The following ADAM12 variants were observed in gnomAD, a reference collection of about 807,000 sequenced individuals.
The protein encoded by ADAM12 is disintegrin and metalloproteinase domain-containing protein 12.
ADAM12 carries 70 observed loss-of-function variants against 106.4 expected under a neutral mutation model. The observed-to-expected ratio is 0.66, with a 90% CI of 0.54 to 0.80. The LOEUF (loss-of-function observed/expected upper bound fraction) is 0.80, where lower values mean the gene tolerates loss of function less well. ADAM12 is among the 30% of genes least tolerant of loss of function. ADAM12 has a pLI of 0.00. For synonymous variants in ADAM12, 420 were observed against 433.5 expected, an observed-to-expected ratio of 0.97 and a Z score of 0.39; for missense variants, 1,010 against 1,171.9, an observed-to-expected ratio of 0.86 and a Z score of 2.02.
intron 4 of ADAM12, among the ~76,000 whole-genome samples, chr10:126,141,368 T>C (rs1956508347): frequency 6.6e-6 from 1 of 152,204 alleles, no homozygotes; most frequent in South Asian, 2.1e-4. Context: ...CAGGCCGTCT[T>C]TGCCTAGTTC....
At chr10:126,051,504 T>TCCAG (rs1392649735) in intron 14 of ADAM12, among the ~76,000 whole-genome samples, 1 of 34,510 alleles carries the variant, frequency 2.9e-5, no homozygotes, top group Non-Finnish European at 6.9e-5. Flanking sequence ...CATCCACCCG[T>TCCAG]CCATCCATCC....
At chr10:126,088,185 T>C (rs936639221) in intron 11 of ADAM12, among the ~76,000 whole-genome samples, 1 of 152,208 alleles carries the variant, frequency 6.6e-6, no homozygotes, top group African/African-American at 2.4e-5. Flanking sequence ...TGAGGTACCC[T>C]GCAGTGAGGT....
intron 3 of ADAM12, among the ~76,000 whole-genome samples, chr10:126,252,442 C>T (rs1284134740): frequency 6.6e-6 from 1 of 152,122 alleles, no homozygotes; most frequent in East Asian, 1.9e-4. Flanking sequence ...AGTTCAAAGG[C>T]CCGAACACCA....
intron 2 of ADAM12, among the ~76,000 whole-genome samples, chr10:126,282,684 CACAA>C (rs764325195): frequency 2.0e-5 from 3 of 152,104 alleles, no homozygotes; most frequent in African/African-American, 4.8e-5. Context: ...TATTCTATTG[CACAA>C]ACAATGTGTA....
chr10:126,146,034 C>A (rs10901536), intron 4 of ADAM12, among the ~76,000 whole-genome samples: 81,767 of 152,008 alleles, frequency 0.54, 22,741 homozygotes, highest in Non-Finnish European at 0.63. Flanking sequence ...TCATTCAGGC[C>A]GGTGCGGGGT....
intron 3 of ADAM12, among the ~76,000 whole-genome samples, chr10:126,232,562 C>T (rs1958332828): frequency 6.6e-6 from 1 of 152,118 alleles, no homozygotes; most frequent in Non-Finnish European, 1.5e-5. Flanking sequence ...CCAGAAAACC[C>T]CACATGGAGC....
intron 3 of ADAM12, among the ~76,000 whole-genome samples, chr10:126,188,260 A>G (rs1957434610): frequency 6.6e-6 from 1 of 152,222 alleles, no homozygotes; most frequent in Non-Finnish European, 1.5e-5. Flanking sequence ...TTTACAACTC[A>G]AAGCAAAGCC....
At chr10:126,362,055 A>G (rs938640524) in intron 1 of ADAM12, among the ~76,000 whole-genome samples, 1 of 152,200 alleles carries the variant, frequency 6.6e-6, no homozygotes, top group Non-Finnish European at 1.5e-5. Flanking sequence ...GTTAATATCC[A>G]AAATATATAA....
At chr10:126,304,547 T>C (rs1486754190) in intron 2 of ADAM12, among the ~76,000 whole-genome samples, 4 of 152,046 alleles carry the variant, frequency 2.6e-5, no homozygotes, top group South Asian at 2.1e-4. Context: ...ACAATGCATA[T>C]AGATTAAAAC....
chr10:126,173,844 G>T (rs1216525598), intron 3 of ADAM12, among the ~76,000 whole-genome samples: 1 of 151,984 alleles, frequency 6.6e-6, no homozygotes, highest in Non-Finnish European at 1.5e-5. Context: ...CAGGCCAAGG[G>T]AGTCAGCATC....
chr10:126,330,438 T>A lies in ADAM12; in HGVS notation c.160A>T (p.Ile54Phe), dbSNP rs1195903344. 2 of 1,613,810 alleles carry A rather than the reference T, an allele frequency of 1.2e-6. No individual in the cohort carries two copies. The highest frequency in any genetic ancestry group is 1.7e-6 in the Non-Finnish European group (2 of 1,179,930). The change falls in exon 2 of 23, where the codon ATC becomes TTC. Residue 54 changes from isoleucine (I) to phenylalanine (F), a missense_variant. Around this residue, in one of 3 missense-constraint regions of ADAM12, gnomAD observed 391 missense variants for 442.9 expected, o/e 0.88. Coordinates refer to ENST00000448723, the MANE Select transcript of ADAM12 (RefSeq NM_001288973.2). Reference sequence around the variant, plus strand: ...TTGGAGTCGAAGCTCTTCACTGGGATCCAGAGGTCCCCACTCCCAACAGAG... The same window carrying A: ...TTGGAGTCGAAGCTCTTCACTGGGAACCAGAGGTCCCCACTCCCAACAGAG... ...SASVGSGDLW[I>F]PVKSFDSKNH...
At chr10:126,121,131 CTATATACTAT>C (rs1202245567) in intron 5 of ADAM12, among the ~76,000 whole-genome samples, 10 of 81,372 alleles carry the variant, frequency 1.2e-4, no homozygotes, top group African/African-American at 4.7e-4. Context: ...AGTATATATA[CTATATACTAT>C]ATATACTATA....
At chr10:126,197,334 G>A (rs766809926) in intron 3 of ADAM12, among the ~76,000 whole-genome samples, 1 of 152,218 alleles carries the variant, frequency 6.6e-6, no homozygotes, top group Non-Finnish European at 1.5e-5. Flanking sequence ...CTGAGGCCGA[G>A]CCTGGTGCCC....
chr10:126,202,170 G>C lies in ADAM12; in HGVS notation c.261-46865C>G, dbSNP rs7916951. Among the ~76,000 whole-genome samples the C allele has an allele frequency of 3.9e-5, 6 of 152,304 alleles. No individual in the cohort carries two copies. In the South Asian group the frequency reaches 1.2e-3, roughly 32 times the overall value. ...CTGGAGATCCACCCCATGTGGGGAA[G>C]TTCTACTCCGAAACTTATTCCCATG... On this transcript the variant is annotated intron_variant, in intron 3 of 22. Coordinates refer to ENST00000448723, the MANE Select transcript of ADAM12 (RefSeq NM_001288973.2).
chr10:126,281,113 A>G (rs1959556083), intron 2 of ADAM12, among the ~76,000 whole-genome samples: 1 of 152,184 alleles, frequency 6.6e-6, no homozygotes, highest in Admixed American at 6.5e-5. Context: ...TGTTCTCTTC[A>G]GGGTTTGTAA....
intron 3 of ADAM12, among the ~76,000 whole-genome samples, chr10:126,179,535 A>G (rs1387907385): frequency 2.0e-5 from 3 of 152,224 alleles, no homozygotes; most frequent in Non-Finnish European, 2.9e-5. Context: ...AAAATGGGTC[A>G]TACCTTTTGG....
chr10:126,291,995 T>C (rs1960171986), intron 2 of ADAM12, among the ~76,000 whole-genome samples: 1 of 151,608 alleles, frequency 6.6e-6, no homozygotes, highest in Non-Finnish European at 1.5e-5. Flanking sequence ...TTTTTCCCGT[T>C]GAAACATTAG....
intron 3 of ADAM12, among the ~76,000 whole-genome samples, chr10:126,248,648 G>GGTAGGTAT (rs1240439463): frequency 6.8e-6 from 1 of 148,102 alleles, no homozygotes; most frequent in Non-Finnish European, 1.5e-5. Flanking sequence ...GAGCCTCACA[G>GGTAGGTAT]GTATGTATGT....
intron 3 of ADAM12, among the ~76,000 whole-genome samples, chr10:126,255,711 C>A (rs1958878012): frequency 6.6e-6 from 1 of 152,230 alleles, no homozygotes; most frequent in South Asian, 2.1e-4. Context: ...CAACAAAGCA[C>A]CTGGCTCCAT....
Sources: allele counts gnomAD v4.1 joint callset (sites outside exome capture counted in the v4.1 genomes callset), GRCh38; gene constraint gnomAD v4.1.1; regional missense constraint gnomAD v4.1.1; transcripts MANE v1.5; gene names NCBI Gene and HGNC (gene_info 2026-07-23, HGNC 2026-07-21).